Variants in ASXL3 observed in about 807,000 individuals in gnomAD.
ASXL3 encodes ASXL transcriptional regulator 3, also known as putative Polycomb group protein ASXL3.
ASXL3 carries 34 observed loss-of-function variants against 170.6 expected under a neutral mutation model. That is an observed-to-expected ratio of 0.20 (90% CI 0.15 to 0.27). ASXL3 has a LOEUF of 0.27. Ranked by LOEUF, ASXL3 falls within the 10% of genes least tolerant of loss-of-function variation. The probability of loss-of-function intolerance (pLI) is 1.00; values close to 1 mark genes in which losing one functional copy is unlikely to be tolerated. For synonymous variants in ASXL3, 1,002 were observed against 989.1 expected (o/e 1.01, Z -0.24); for missense variants, 2,592 against 2,695.3 (o/e 0.96, Z 0.85).
chr18:33,626,657 A>T (rs12961905), intron 2 of ASXL3: 86,488 of 151,760 alleles, frequency 0.57, 25,700 homozygotes, highest in African/African-American at 0.71. Flanking sequence ...TCACCTCAAC[A>T]ACCTTAACAG....
chr18:33,667,435 A>G (rs1279827281), intron 5 of ASXL3, among the ~76,000 whole-genome samples: 5 of 152,200 alleles, frequency 3.3e-5, no homozygotes, highest in Admixed American at 3.3e-4. Context: ...TCTAATTTAT[A>G]AAGCCTTGGC....
At chr18:33,682,724 T>A (rs538890630) in intron 7 of ASXL3, among the ~76,000 whole-genome samples, 60 of 152,106 alleles carry the variant, frequency 3.9e-4, no homozygotes, top group Admixed American at 1.0e-3. Flanking sequence ...TTAAAAAAAA[T>A]TTTTGTGTGT....
At chr18:33,620,701 T>C (rs2065498612) in intron 2 of ASXL3, among the ~76,000 whole-genome samples, 1 of 152,156 alleles carries the variant, frequency 6.6e-6, no homozygotes, top group Admixed American at 6.6e-5. Flanking sequence ...TAAAGTCTTC[T>C]CTCCTTTTCT....
intron 8 of ASXL3, among the ~76,000 whole-genome samples, chr18:33,713,552 G>A (rs982775643): frequency 2.0e-5 from 3 of 152,000 alleles, no homozygotes; most frequent in Admixed American, 6.6e-5. Flanking sequence ...ACCGTGCCCG[G>A]CCTGAGCTTT....
intron 1 of ASXL3, among the ~76,000 whole-genome samples, chr18:33,590,825 T>G (rs1294708992): frequency 6.6e-6 from 1 of 152,160 alleles, no homozygotes; most frequent in African/African-American, 2.4e-5. Flanking sequence ...ATAGGAATAG[T>G]CTATATATAA....
intron 2 of ASXL3, among the ~76,000 whole-genome samples, chr18:33,632,747 C>G (rs565371878): frequency 6.6e-6 from 1 of 152,332 alleles, no homozygotes; most frequent in East Asian, 1.9e-4. Context: ...CTTGCTCCAT[C>G]TTCCCTGCAG....
chr18:33,656,154 C>T (rs1363149656), intron 4 of ASXL3, among the ~76,000 whole-genome samples: 3 of 152,040 alleles, frequency 2.0e-5, no homozygotes, highest in Non-Finnish European at 2.9e-5. Flanking sequence ...AACAATGTAC[C>T]ACAGTGTTAT....
At chr18:33,592,620 A>G (rs2065087367) in intron 1 of ASXL3, among the ~76,000 whole-genome samples, 1 of 152,220 alleles carries the variant, frequency 6.6e-6, no homozygotes, top group Admixed American at 6.5e-5. Flanking sequence ...ATTTGTTTCA[A>G]TCTGCTGAGA....
intron 1 of ASXL3, among the ~76,000 whole-genome samples, chr18:33,590,111 G>GTTTTTTTTTGTTTTTTTTTTTTTT (rs2065064635): frequency 1.2e-5 from 1 of 83,184 alleles, no homozygotes; most frequent in African/African-American, 6.9e-5. Context: ...TGCTTTCTAT[G>GTTTTTTTTTGTTTTTTTTTTTTTT]TTTTTTTTTT....
chr18:33,636,318 C>G (rs1226080621), intron 2 of ASXL3, among the ~76,000 whole-genome samples: 1 of 91,898 alleles, frequency 1.1e-5, no homozygotes, highest in African/African-American at 4.0e-5. Context: ...ACAACAACAA[C>G]AACAACAACA....
intron 1 of ASXL3, chr18:33,605,408 T>C (rs1163945158): frequency 6.6e-6 from 1 of 152,122 alleles, no homozygotes; most frequent in Non-Finnish European, 1.5e-5. Context: ...CAGGAACCTC[T>C]CCTTCTCTCT....
Position 33,578,488 on chromosome 18 carries a change from GCCGCCGCCGCCA to G in ASXL3, c.-138_-127del, listed in dbSNP as rs1410644102. 19 of 253,960 alleles carry G rather than the reference GCCGCCGCCGCCA, an allele frequency of 7.5e-5. No individual in the cohort carries two copies. The highest frequency in any genetic ancestry group is 3.0e-4 in the African/African-American group (11 of 36,080). 15.7% of individuals were successfully genotyped at this position (253,960 alleles called of 1,614,324 possible). On this transcript the variant is annotated 5_prime_UTR_variant, in exon 1 of 12. Coordinates refer to ENST00000269197, the MANE Select transcript of ASXL3 (RefSeq NM_030632.3). ...CGCCGCCGCCGCCGCCGCCGCCGCC[GCCGCCGCCGCCA>G]CCGCCCGCGCGCCTCCCCCCGCGGA...
rs562975751 is a variant in ASXL3, at chr18:33,744,772, A to T, written c.4924A>T (p.Ile1642Phe). Residue 1642 changes from isoleucine (I) to phenylalanine (F), a missense_variant, in exon 12 of 12, where the codon ATC (isoleucine) becomes TTC (phenylalanine). Coordinates refer to ENST00000269197, the MANE Select transcript of ASXL3 (RefSeq NM_030632.3). ...TCTAGAGCAAAGCTGTCCAAAGGCT[A>T]TCAAAACTGAACATGCCAACTACTT... ...EYLEQSCPKA[I>F]KTEHANYLNV... 2 of 1,614,050 alleles carry T rather than the reference A, an allele frequency of 1.2e-6. No homozygotes were observed. Among genetic ancestry groups the T allele is most frequent in the Admixed American group, 3.3e-5 (2 of 60,034 alleles).
Position 33,670,722 on chromosome 18 carries a change from A to G in ASXL3, c.527A>G (p.Asn176Ser). Residue 176 changes from asparagine (N) to serine (S), a missense_variant, in exon 6 of 12, where the codon AAC becomes AGC. Physicochemically the swap from Asn to Ser is conservative, Grantham distance 46. Coordinates refer to ENST00000269197, the MANE Select transcript of ASXL3 (RefSeq NM_030632.3). ...KRRNGVSMMV[N>S]KTVPRVVLTP... The stretch of plus-strand genomic sequence containing the variant: ...AGAAATGGAGTCTCAATGATGGTAA[A>G]CAAGACTGTTCCTCGTGTTGTTTTG... 6.4e-7 allele frequency: 1 copy of G among 1,572,400 alleles called. No homozygotes were observed. The highest frequency in any genetic ancestry group is 1.3e-5 in the African/African-American group (1 of 74,136).
At chr18:33,586,883 C>T (rs935130309) in intron 1 of ASXL3, among the ~76,000 whole-genome samples, 4 of 152,162 alleles carry the variant, frequency 2.6e-5, no homozygotes, top group Non-Finnish European at 4.4e-5. Flanking sequence ...AAGAATGTGA[C>T]AGTGTTCCTG....
In ASXL3 at chr18:33,739,210, T is replaced by G; in HGVS notation, c.1806T>G (p.Leu602=). The G allele has an allele frequency of 6.2e-7, 1 of 1,613,804 alleles. No homozygotes were observed. Among genetic ancestry groups the G allele is most frequent in the Non-Finnish European group, 8.5e-7 (1 of 1,179,822 alleles). Residue 602 remains leucine, a synonymous_variant, in exon 11 of 12, where the codon CTT becomes CTG. Transcript: ENST00000269197. ...MELQSDPEEQ[L]SENACISETS... Reference sequence around the variant, plus strand: ...TACAGAGTGACCCTGAAGAACAGCTTTCAGAAAATGCCTGCATCTCTGAAA... The same window carrying G: ...TACAGAGTGACCCTGAAGAACAGCTGTCAGAAAATGCCTGCATCTCTGAAA...
At chr18:33,724,717 G>A (rs986784249) in intron 8 of ASXL3, among the ~76,000 whole-genome samples, 3 of 152,004 alleles carry the variant, frequency 2.0e-5, no homozygotes, top group African/African-American at 7.2e-5. Context: ...ATTTAATACA[G>A]TCAGGCTATA....
rs761034630 is a variant in ASXL3, at chr18:33,738,790, C to T, written c.1386C>T (p.Ile462=). The T allele has an allele frequency of 6.2e-6, 10 of 1,613,632 alleles. No homozygotes were observed. In the African/African-American group the frequency reaches 8.0e-5, roughly 13 times the overall value. ...TTGCAGAAGAGGTAGAGACTAGTAT[C>T]TGTGAATGCCAGGATGAAAATCATA... ...EEIAEEVETS[I]CECQDENHKT... is the part of the protein sequence containing the mutation. The change falls in exon 11 of 12, where the codon ATC becomes ATT. Residue 462 remains isoleucine (I), a synonymous_variant. Transcript: ENST00000269197.
rs1486376007 is a variant in ASXL3, at chr18:33,740,382, C to T, written c.2978C>T (p.Ser993Phe). The change falls in exon 11 of 12, where the codon TCT becomes TTT. Residue 993 changes from serine to phenylalanine, a missense_variant. By Grantham distance (155) the Ser-to-Phe change is radical (BLOSUM62 -2). Transcript: ENST00000269197. ...EDDQSTRNISSSSPPEKEQPP... is the reference protein window; with the variant it reads ...EDDQSTRNISFSSPPEKEQPP... ...GATCAGTCAACCCGGAACATATCAT[C>T]TAGCAGCCCACCTGAGAAAGAACAG... is the stretch of plus-strand genomic sequence containing the variant. The T allele has an allele frequency of 1.2e-6, 2 of 1,607,366 alleles. No homozygotes were observed. The highest frequency in any genetic ancestry group is 4.5e-5 in the East Asian group (2 of 44,816).
Sources: gnomAD v4.1 joint callset for allele counts (sites outside exome capture counted in the v4.1 genomes callset) on GRCh38, gnomAD v4.1.1 for gene constraint, MANE v1.5 for transcripts, NCBI Gene and HGNC (gene_info 2026-07-23, HGNC 2026-07-21) for gene names.